MTMR10: variants seen among roughly 807,000 people sequenced by gnomAD.
The protein encoded by MTMR10 is myotubularin-related protein 10.
A neutral mutation model predicts 88.1 loss-of-function variants in MTMR10; 56 were observed. The ratio of observed to expected loss-of-function variants is 0.64; its 90% confidence interval spans 0.51 to 0.79. MTMR10 has a LOEUF of 0.79. MTMR10 is among the 30% of genes least tolerant of loss of function. The pLI is 0.00. For missense variants in MTMR10, 883 were observed against 924.7 expected (o/e 0.95, Z 0.58); for synonymous variants, 380 against 340.9 (o/e 1.11, Z -1.26).
chr15:30,959,530 C>G (rs936928095), intron 7 of MTMR10, among the ~76,000 whole-genome samples: 3 of 152,200 alleles, frequency 2.0e-5, no homozygotes, highest in Non-Finnish European at 4.4e-5. Flanking sequence ...TTCTACCTTT[C>G]CCCATGCCTA....
the MTMR10 span, chr15:30,927,320 C>T: frequency 2.8e-5 from 28 of 985,422 alleles, no homozygotes; most frequent in East Asian, 1.1e-4. Context: ...CCTAGCTCCA[C>T]TCCTGGCTGG....
intron 15 of MTMR10, chr15:30,942,427 A>AATGTCTGATTCTTTGTTCT (rs1447523445): frequency 4.9e-5 from 16 of 325,730 alleles, no homozygotes; most frequent in Non-Finnish European, 8.4e-5. Flanking sequence ...CAGGAGGCCA[A>AATGTCTGATTCTTTGTTCT]ATGTCTGATT....
chr15:30,947,098 GA>G, intron 14 of MTMR10, 31 bp downstream of exon 14: 1 of 1,555,914 alleles, frequency 6.4e-7, no homozygotes, highest in East Asian at 2.3e-5. Context: ...TAAAAACAGG[GA>G]AAACGTAGCC....
chr15:30,973,643 G>C (rs1046638215), intron 5 of MTMR10, among the ~76,000 whole-genome samples: 5 of 152,112 alleles, frequency 3.3e-5, no homozygotes, highest in Non-Finnish European at 5.9e-5. Flanking sequence ...GAAAGTCTGT[G>C]ACTCTGCATT....
chr15:30,938,287 T>TAC (rs2062923877), downstream of MTMR10, among the ~76,000 whole-genome samples: 1 of 152,220 alleles, frequency 6.6e-6, no homozygotes, highest in South Asian at 2.1e-4. Flanking sequence ...TACTGCCCTA[T>TAC]ACACATTTAG....
intron 7 of MTMR10, among the ~76,000 whole-genome samples, chr15:30,959,964 C>G (rs1369828861): frequency 2.0e-5 from 3 of 152,108 alleles, no homozygotes; most frequent in African/African-American, 7.2e-5. Flanking sequence ...CCCTAGGGAA[C>G]CAGCTCACTA....
Position 30,940,620 on chromosome 15 carries a change from G to A in MTMR10, c.*850C>T. 4.1e-6 allele frequency: 4 copies of A among 985,590 alleles called. No individual in the cohort carries two copies. Among genetic ancestry groups the A allele is most frequent in the Non-Finnish European group, 4.8e-6 (4 of 830,166 alleles). The allele number at this position is 985,590 out of a possible 1,614,324, so 61.1% of individuals were successfully genotyped here. A position where few individuals can be genotyped will look rare whatever the true frequency, so the allele number is the denominator to read the frequency against. On this transcript the variant is annotated 3_prime_UTR_variant, in exon 16 of 16. Transcript: ENST00000435680. ...GTTTTGGCATAGATGGCACTCTCCT[G>A]TCTACAGCATACACCTCTGTGGAAT...
At chr15:30,921,133 C>T in the MTMR10 span, among the ~76,000 whole-genome samples, 12 of 152,078 alleles carry the variant, frequency 7.9e-5, no homozygotes, top group Non-Finnish European at 1.8e-4. Flanking sequence ...GTAGGCAGCC[C>T]GCTGTCTCTT....
intron 14 of MTMR10, chr15:30,946,912 A>C: frequency 1.6e-6 from 1 of 624,302 alleles, no homozygotes; most frequent in Non-Finnish European, 2.7e-6. Context: ...TTTACTACAA[A>C]ACATTTACAT....
At chr15:30,944,476 G>GA in intron 14 of MTMR10, among the ~76,000 whole-genome samples, 2 of 150,366 alleles carry the variant, frequency 1.3e-5, no homozygotes, top group East Asian at 3.9e-4. Context: ...TGTGGCAGGA[G>GA]AATCACCTGA....
At chr15:30,927,565 C>CT in the MTMR10 span, 1 of 985,712 alleles carries the variant, frequency 1.0e-6, no homozygotes, top group Non-Finnish European at 1.2e-6. Context: ...CACAGCACCC[C>CT]TGATCCCACT....
intron 9 of MTMR10, among the ~76,000 whole-genome samples, chr15:30,955,491 C>T (rs180796698): frequency 3.9e-5 from 6 of 152,150 alleles, no homozygotes; most frequent in African/African-American, 7.2e-5. Flanking sequence ...AGGCTGGTCT[C>T]AAACTCCTGA....
At chr15:30,958,377 A>G (rs2063355483) in intron 9 of MTMR10, among the ~76,000 whole-genome samples, 1 of 152,224 alleles carries the variant, frequency 6.6e-6, no homozygotes, top group African/African-American at 2.4e-5. Context: ...AGTATTGCTC[A>G]CTGCTATGAG....
downstream of MTMR10, among the ~76,000 whole-genome samples, chr15:30,933,975 T>C (rs2062785982): frequency 6.6e-6 from 1 of 152,156 alleles, no homozygotes; most frequent in South Asian, 2.1e-4. Flanking sequence ...TTGCCCAGGC[T>C]GGTCTCAAAC....
At position 30,991,553 on chromosome 15, in the gene MTMR10, C is replaced by G. The variant is rs778193078; in HGVS notation, c.-47G>C. The G allele has an allele frequency of 2.0e-6, 3 of 1,527,864 alleles. No individual in the cohort carries two copies. The highest frequency in any genetic ancestry group is 2.9e-5 in the African/African-American group (2 of 68,748). 94.6% of individuals were successfully genotyped at this position (1,527,864 alleles called of 1,614,324 possible). ...CGTTCCCGTCGCGGGCCAGTGGCAG[C>G]GCCGACGCCTCCGGGCGTAAAGCTC... is the stretch of plus-strand genomic sequence containing the variant. On this transcript the variant is annotated 5_prime_UTR_variant, in exon 1 of 16. Coordinates refer to ENST00000435680, the MANE Select transcript of MTMR10 (RefSeq NM_017762.3).
At chr15:30,945,757 T>C (rs955460793) in intron 14 of MTMR10, among the ~76,000 whole-genome samples, 5 of 152,182 alleles carry the variant, frequency 3.3e-5, no homozygotes, top group African/African-American at 1.2e-4. Context: ...GTATCACTGG[T>C]TCTCAGCACA....
Position 30,991,615 on chromosome 15 carries a change from G to A in MTMR10, c.-109C>T, listed in dbSNP as rs1362645720. 3.0e-6 allele frequency: 4 copies of A among 1,329,192 alleles called. No homozygotes were observed. Among genetic ancestry groups the A allele is most frequent in the Non-Finnish European group, 3.0e-6 (3 of 1,009,568 alleles). The allele number at this position is 1,329,192 out of a possible 1,614,324, so 82.3% of individuals were successfully genotyped here. On this transcript the variant is annotated 5_prime_UTR_variant, in exon 1 of 16. Coordinates refer to ENST00000435680, the MANE Select transcript of MTMR10 (RefSeq NM_017762.3). ...GCCCAGGCCCTTTCTGCGGCCAGCC[G>A]AGCCGGGCGGACTGACGGGCGGGGA... is the stretch of plus-strand genomic sequence containing the variant.
the MTMR10 span, chr15:30,928,367 C>T: frequency 7.1e-7 from 1 of 1,418,094 alleles, no homozygotes; most frequent in South Asian, 1.6e-5. Context: ...TGTATATAAA[C>T]AACATACTGT....
In MTMR10 at chr15:30,958,764, TA is replaced by T. The variant is rs1226289035; in HGVS notation, c.935+98del. 6 of 1,242,600 alleles carry T rather than the reference TA, an allele frequency of 4.8e-6. No individual in the cohort carries two copies. The African/African-American group carries it at 5.9e-5, about 12-fold the overall frequency. The allele number at this position is 1,242,600 out of a possible 1,614,324, so 77.0% of individuals were successfully genotyped here. ...ATAAAACATGGTGCTAACTAATTAG[TA>T]AGACTATGCATTTTGTTATTTTCAA... On this transcript the variant is annotated intron_variant, in intron 9 of 15. Coordinates refer to ENST00000435680, the MANE Select transcript of MTMR10 (RefSeq NM_017762.3).
Sources: allele counts gnomAD v4.1 joint callset (sites outside exome capture counted in the v4.1 genomes callset), GRCh38; gene constraint gnomAD v4.1.1; transcripts MANE v1.5; gene names NCBI Gene and HGNC (gene_info 2026-07-23, HGNC 2026-07-21).